Variants in SYNE1 observed in about 807,000 individuals in gnomAD.
SYNE1 encodes nesprin-1.
Under a neutral mutation model 1,111.0 loss-of-function variants are expected in SYNE1, and 616 were observed. That is an observed-to-expected ratio of 0.55 (90% CI 0.52 to 0.59). The LOEUF (loss-of-function observed/expected upper bound fraction) is 0.59, where lower values mean the gene tolerates loss of function less well. Ranked by LOEUF, SYNE1 falls within the 20% of genes least tolerant of loss-of-function variation. SYNE1 has a pLI of 0.00. For missense variants in SYNE1, 10,006 were observed against 10,417.0 expected (o/e 0.96, Z 1.72); for synonymous variants, 3,855 against 3,825.8 (o/e 1.01, Z -0.28).
chr6:152,421,909 T>C (rs2098268154), intron 39 of SYNE1, among the ~76,000 whole-genome samples: 1 of 152,046 alleles, frequency 6.6e-6, no homozygotes, highest in Non-Finnish European at 1.5e-5. Flanking sequence ...TTTCACCACA[T>C]TGGCCAGGCT....
intron 3 of SYNE1, among the ~76,000 whole-genome samples, chr6:152,543,578 C>G (rs898984621): frequency 9.2e-5 from 14 of 152,092 alleles, no homozygotes; most frequent in African/African-American, 3.4e-4. Flanking sequence ...ATGCTGTTGA[C>G]AGGGAACAAA....
At chr6:152,138,997 G>C (rs1432978017) in intron 140 of SYNE1, among the ~76,000 whole-genome samples, 3 of 152,138 alleles carry the variant, frequency 2.0e-5, no homozygotes, top group Non-Finnish European at 2.9e-5. Flanking sequence ...ATCAATTTCA[G>C]AAGTTTCACT....
chr6:152,266,758 G>A (rs552830152), intron 100 of SYNE1, among the ~76,000 whole-genome samples: 2 of 151,906 alleles, frequency 1.3e-5, no homozygotes, highest in East Asian at 1.9e-4. Context: ...CAATATATCT[G>A]CTGCAATTGC....
chr6:152,199,495 CCTGT>C (rs1378916652), intron 127 of SYNE1, among the ~76,000 whole-genome samples: 2 of 151,822 alleles, frequency 1.3e-5, no homozygotes, highest in African/African-American at 4.8e-5. Context: ...GATTATGTAC[CCTGT>C]CTTTTAGGGG....
intron 84 of SYNE1, among the ~76,000 whole-genome samples, chr6:152,319,242 G>A (rs972875440): frequency 6.6e-6 from 1 of 152,166 alleles, no homozygotes; most frequent in Non-Finnish European, 1.5e-5. Context: ...TACAAGCAAT[G>A]TGTGTAGAGA....
chr6:152,481,653 C>T (rs1354249878), intron 14 of SYNE1: 17 of 407,792 alleles, frequency 4.2e-5, no homozygotes, highest in Non-Finnish European at 7.2e-5. Context: ...TGCTTAGTTG[C>T]TAATTTGCTA....
intron 3 of SYNE1, among the ~76,000 whole-genome samples, chr6:152,576,114 A>G (rs2099495525): frequency 6.6e-6 from 1 of 152,190 alleles, no homozygotes; most frequent in Non-Finnish European, 1.5e-5. Context: ...GTACCAACCC[A>G]TCTTTCTTTG....
Position 152,321,290 on chromosome 6 carries a change from T to C in SYNE1, c.16184A>G (p.Glu5395Gly), listed in dbSNP as rs1348364862. ...CACTTCAGCCAACTGAAGGGAGAGTTCAGAAGGTAATATGGTATAAAGACC... is the reference window on the plus strand; with the variant it reads ...CACTTCAGCCAACTGAAGGGAGAGTCCAGAAGGTAATATGGTATAAAGACC... ...YLGLYTILPS[E>G]LSLQLAEVAL... The change falls in exon 84 of 146, where the codon GAA becomes GGA. Residue 5395 changes from glutamate to glycine, a missense_variant. Physicochemically the swap from Glu to Gly is moderately conservative, Grantham distance 98. Transcript: ENST00000367255. The C allele has an allele frequency of 6.2e-7, 1 of 1,613,942 alleles. No homozygotes were observed. Among genetic ancestry groups the C allele is most frequent in the Non-Finnish European group, 8.5e-7 (1 of 1,179,914 alleles).
chr6:152,443,099 A>T (rs974067413), intron 30 of SYNE1, among the ~76,000 whole-genome samples: 2 of 152,212 alleles, frequency 1.3e-5, no homozygotes, highest in African/African-American at 4.8e-5. Context: ...GCAGCTTATA[A>T]ATTTTCACAA....
At chr6:152,607,386 C>T (rs1389021306) in intron 3 of SYNE1, among the ~76,000 whole-genome samples, 1 of 151,944 alleles carries the variant, frequency 6.6e-6, no homozygotes, top group Non-Finnish European at 1.5e-5. Context: ...TTGCAAGAGC[C>T]CTTCTGAAGC....
intron 52 of SYNE1, 125 bp downstream of exon 52, chr6:152,391,152 T>C: frequency 7.0e-7 from 1 of 1,431,030 alleles, no homozygotes; most frequent in Non-Finnish European, 9.7e-7. Flanking sequence ...GCCCAATTTC[T>C]CCATTTTGCC....
At chr6:152,447,735 C>T (rs2098604918) in intron 28 of SYNE1, 113 bp from the exon 29 acceptor site, 1 of 1,231,100 alleles carries the variant, frequency 8.1e-7, no homozygotes, top group Admixed American at 1.7e-5. Context: ...TAGAGCCAGA[C>T]ATCATTCAGC....
chr6:152,622,766 C>A (rs924096470), intron 3 of SYNE1, among the ~76,000 whole-genome samples: 1 of 151,940 alleles, frequency 6.6e-6, no homozygotes, highest in South Asian at 2.1e-4. Context: ...ATTTATATTC[C>A]TTTGGGTATA....
chr6:152,568,462 T>G (rs754398940), intron 3 of SYNE1, among the ~76,000 whole-genome samples: 2 of 151,810 alleles, frequency 1.3e-5, no homozygotes, highest in African/African-American at 4.8e-5. Flanking sequence ...ACCACCACAC[T>G]CGGCTAATTT....
At chr6:152,164,817 G>A (rs1487715303) in intron 130 of SYNE1, among the ~76,000 whole-genome samples, 2 of 152,124 alleles carry the variant, frequency 1.3e-5, no homozygotes, top group South Asian at 2.1e-4. Context: ...TATGAGTCTC[G>A]CCTTTTGGTT....
chr6:152,314,698 C>T (rs1019810094), intron 87 of SYNE1, among the ~76,000 whole-genome samples: 11 of 152,002 alleles, frequency 7.2e-5, no homozygotes, highest in African/African-American at 2.7e-4. Flanking sequence ...CGCTTGTATT[C>T]CCAGAATTTG....
intron 4 of SYNE1, among the ~76,000 whole-genome samples, chr6:152,538,628 G>GAAA (rs912343260): frequency 3.1e-5 from 4 of 129,234 alleles, no homozygotes; most frequent in African/African-American, 8.2e-5. Context: ...TTTTCATTTT[G>GAAA]AAAAAAAAAA....
At chr6:152,495,871 A>G (rs2098996780) in intron 11 of SYNE1, among the ~76,000 whole-genome samples, 1 of 152,230 alleles carries the variant, frequency 6.6e-6, no homozygotes, top group Admixed American at 6.5e-5. Flanking sequence ...GTAAGGGTGC[A>G]ACCTTCTATA....
rs1376795356 is a variant in SYNE1 at position 152,354,880 on chromosome 6, C to T, written c.10705G>A (p.Asp3569Asn). Residue 3569 changes from aspartate (D) to asparagine (N), a missense_variant, in exon 67 of 146, where the codon GAC becomes AAC. Physicochemically the swap from Asp to Asn is conservative, Grantham distance 23. Transcript: ENST00000367255. ...TGCCGGAGAGACTCTAAAGCCCGGTCCTCTGCCTGTGGGATACCTGATGGG... is the reference window on the plus strand; with the variant it reads ...TGCCGGAGAGACTCTAAAGCCCGGTTCTCTGCCTGTGGGATACCTGATGGG... ...VIPSGIPQAE[D>N]RALESLRQDW... 1 of 1,614,178 alleles carries T rather than the reference C, an allele frequency of 6.2e-7. No homozygotes were observed. Among genetic ancestry groups the T allele is most frequent in the Non-Finnish European group, 8.5e-7 (1 of 1,180,032 alleles).
Sources: allele counts gnomAD v4.1 joint callset (sites outside exome capture counted in the v4.1 genomes callset), GRCh38; gene constraint gnomAD v4.1.1; transcripts MANE v1.5; gene names NCBI Gene and HGNC (gene_info 2026-07-23, HGNC 2026-07-21).